The following TPD52 variants were observed in gnomAD, a reference collection of about 807,000 sequenced individuals.
The protein encoded by TPD52 is prostate and colon associated protein.
Under a neutral mutation model 31.3 loss-of-function variants are expected in TPD52, and 17 were observed. That is an observed-to-expected ratio of 0.54 (90% CI 0.37 to 0.82). The LOEUF is 0.82. Ranked by LOEUF, TPD52 falls within the 40% of genes least tolerant of loss-of-function variation. TPD52 has a pLI of 0.00. For missense variants in TPD52, 212 were observed against 240.1 expected (o/e 0.88, Z 0.77); for synonymous variants, 83 against 89.6 (o/e 0.93, Z 0.42).
At chr8:80,051,355 G>A in intron 4 of TPD52, 172 bp downstream of exon 4, 1 of 598,228 alleles carries the variant, frequency 1.7e-6, no homozygotes, top group South Asian at 2.0e-5. Flanking sequence ...AGAATGCTAG[G>A]CCTAGAAGAC....
chr8:80,119,901 T>C lies in TPD52; in HGVS notation c.19+51524A>G, dbSNP rs560069647. The C allele has an allele frequency of 3.9e-4, 148 of 382,810 alleles. 1 individual carries two copies. The highest frequency in any genetic ancestry group is 1.5e-3 in the Middle Eastern group (4 of 2,752). The allele number at this position is 382,810 out of a possible 1,614,324, so 23.7% of individuals were successfully genotyped here. Reference sequence around the variant, plus strand: ...AATAAAAAGCTATAGCAGAAAACATTAGAAAATATACACAATTAAAATGTT... The same window carrying C: ...AATAAAAAGCTATAGCAGAAAACATCAGAAAATATACACAATTAAAATGTT... On this transcript the variant is annotated intron_variant, in intron 1 of 7. Transcript: ENST00000518937.
At chr8:80,059,957 T>C (rs890615331) in intron 2 of TPD52, among the ~76,000 whole-genome samples, 1 of 151,888 alleles carries the variant, frequency 6.6e-6, no homozygotes, top group Non-Finnish European at 1.5e-5. Context: ...GGTGCACGCC[T>C]GTAGTCCCAG....
intron 1 of TPD52, among the ~76,000 whole-genome samples, chr8:80,136,749 C>T (rs1308873975): frequency 6.6e-6 from 1 of 151,992 alleles, no homozygotes; most frequent in Non-Finnish European, 1.5e-5. Flanking sequence ...GAGACAAAGG[C>T]AAAAAACTGA....
intron 1 of TPD52, among the ~76,000 whole-genome samples, chr8:80,107,481 G>A (rs767745407): frequency 1.3e-5 from 2 of 152,172 alleles, no homozygotes; most frequent in Non-Finnish European, 2.9e-5. Context: ...CAACTGCGGA[G>A]CAACCAACAA....
chr8:80,087,024 T>C (rs1188122506), intron 1 of TPD52, among the ~76,000 whole-genome samples: 4 of 152,160 alleles, frequency 2.6e-5, no homozygotes, highest in South Asian at 2.1e-4. Flanking sequence ...TCCTCTCAAA[T>C]TGCTCAGAAA....
intron 1 of TPD52, among the ~76,000 whole-genome samples, chr8:80,161,655 G>C (rs779084618): frequency 2.0e-5 from 3 of 151,014 alleles, no homozygotes; most frequent in African/African-American, 7.3e-5. Context: ...GGATACAATG[G>C]GTGAAATTTC....
intron 1 of TPD52, among the ~76,000 whole-genome samples, chr8:80,159,671 A>G (rs1327051864): frequency 6.6e-6 from 1 of 152,208 alleles, no homozygotes; most frequent in Non-Finnish European, 1.5e-5. Context: ...ATAAAACATG[A>G]AAAGCATTTA....
intron 1 of TPD52, among the ~76,000 whole-genome samples, chr8:80,132,974 T>C (rs559122850): frequency 2.0e-5 from 3 of 152,328 alleles, no homozygotes; most frequent in Admixed American, 2.0e-4. Context: ...TTGCTAGTTC[T>C]CTATCAGTTC....
At chr8:80,128,076 C>A (rs1056807216) in intron 1 of TPD52, among the ~76,000 whole-genome samples, 2 of 151,768 alleles carry the variant, frequency 1.3e-5, no homozygotes, top group Non-Finnish European at 2.9e-5. Context: ...TCTTAAATTG[C>A]CAGCTGTCCG....
chr8:80,133,277 A>T (rs1809155018), intron 1 of TPD52, among the ~76,000 whole-genome samples: 1 of 152,038 alleles, frequency 6.6e-6, no homozygotes. Context: ...CACTTCAGAC[A>T]TTTTCTTAGG....
intron 1 of TPD52, among the ~76,000 whole-genome samples, chr8:80,134,825 C>G (rs1420783017): frequency 2.0e-5 from 3 of 152,224 alleles, no homozygotes; most frequent in Non-Finnish European, 4.4e-5. Flanking sequence ...TGAGCCACAC[C>G]ATCCAGATGA....
At chr8:80,099,406 G>T (rs1004474147) in intron 1 of TPD52, among the ~76,000 whole-genome samples, 9 of 152,014 alleles carry the variant, frequency 5.9e-5, no homozygotes, top group African/African-American at 1.4e-4. Context: ...TGAATATCTG[G>T]CCAAGCTAGA....
chr8:80,120,480 C>CA (rs1431121416), intron 1 of TPD52, among the ~76,000 whole-genome samples: 5 of 147,688 alleles, frequency 3.4e-5, no homozygotes, highest in Non-Finnish European at 6.0e-5. Context: ...GACTCTGTTT[C>CA]AAAAAAAAGA....
intron 1 of TPD52, among the ~76,000 whole-genome samples, chr8:80,083,426 G>A (rs1815484118): frequency 6.6e-6 from 1 of 152,142 alleles, no homozygotes; most frequent in Non-Finnish European, 1.5e-5. Flanking sequence ...TGTCAAGGGC[G>A]GGACCAGGTG....
intron 1 of TPD52, chr8:80,158,642 CAA>C (rs534071979): frequency 6.9e-5 from 10 of 144,528 alleles, no homozygotes; most frequent in South Asian, 4.4e-4. Flanking sequence ...AACCCTGTCT[CAA>C]AAAAAAAAAG....
intron 1 of TPD52, among the ~76,000 whole-genome samples, chr8:80,141,784 C>T (rs928331197): frequency 7.2e-5 from 11 of 152,056 alleles, no homozygotes; most frequent in Admixed American, 1.3e-4. Context: ...GTGGTGCGGG[C>T]CTGTTGTCCC....
intron 1 of TPD52, chr8:80,080,812 C>A (rs1289020040): frequency 2.0e-5 from 19 of 973,034 alleles, no homozygotes; most frequent in African/African-American, 5.3e-5. Flanking sequence ...ACAAACAGTT[C>A]AGGCAAACAT....
chr8:80,080,822 T>C, intron 1 of TPD52: 1 of 916,066 alleles, frequency 1.1e-6, no homozygotes, highest in African/African-American at 1.8e-5. Flanking sequence ...CAGGCAAACA[T>C]CAGACACTGG....
At chr8:80,102,028 T>C (rs1806780223) in intron 1 of TPD52, among the ~76,000 whole-genome samples, 1 of 152,100 alleles carries the variant, frequency 6.6e-6, no homozygotes, top group Non-Finnish European at 1.5e-5. Context: ...TCCAGGGCAT[T>C]GGGAATGAAG....
Sources: allele counts gnomAD v4.1 joint callset (sites outside exome capture counted in the v4.1 genomes callset), GRCh38; gene constraint gnomAD v4.1.1; transcripts MANE v1.5; gene names NCBI Gene and HGNC (gene_info 2026-07-23, HGNC 2026-07-21).